PXMP2: variants seen among roughly 807,000 people sequenced by gnomAD.
PXMP2 encodes the protein 22 kDa peroxisomal membrane protein.
PXMP2 carries 13 observed loss-of-function variants against 20.2 expected under a neutral mutation model. The ratio of observed to expected loss-of-function variants is 0.64; its 90% CI spans 0.42 to 1.02. PXMP2 has a LOEUF of 1.02. Among genes scored for constraint, PXMP2 ranks in the 50% least tolerant of loss-of-function variants. The pLI, the probability that PXMP2 is intolerant of heterozygous loss-of-function variation, is 0.00. For synonymous variants in PXMP2, 113 were observed against 111.2 expected (o/e 1.02, Z -0.10); for missense variants, 284 against 251.8 (o/e 1.13, Z -0.87).
Position 132,704,852 on chromosome 12 carries a change from A to T in PXMP2, c.*165A>T. ...GAAACAGAAATCTCTGAATGTCAGAACCCTGTCTTTTAAAAAGGCAGTCGC... is the reference window on the plus strand; with the variant it reads ...GAAACAGAAATCTCTGAATGTCAGATCCCTGTCTTTTAAAAAGGCAGTCGC... On this transcript the variant is annotated 3_prime_UTR_variant, in exon 5 of 5. Transcript: ENST00000317479. 1.4e-6 allele frequency: 1 copy of T among 718,070 alleles called. No individual in the cohort carries two copies. The highest frequency in any genetic ancestry group is 2.4e-6 in the Non-Finnish European group (1 of 416,328). 44.5% of individuals were successfully genotyped at this position (718,070 alleles called of 1,614,324 possible).
At chr12:132,698,156 C>A (rs2043420540) in intron 3 of PXMP2, among the ~76,000 whole-genome samples, 1 of 151,922 alleles carries the variant, frequency 6.6e-6, no homozygotes, top group Non-Finnish European at 1.5e-5. Flanking sequence ...ATTGCAGGTG[C>A]CCGCCACCAT....
In PXMP2 at chr12:132,690,125, T is replaced by C; in HGVS notation, c.123-138T>C. ...CACCTTTTGATACAAGAACTATACATTGCAGCCGCTTTAACAAGAATTCCT... is the reference window on the plus strand; with the variant it reads ...CACCTTTTGATACAAGAACTATACACTGCAGCCGCTTTAACAAGAATTCCT... On this transcript the variant is annotated intron_variant, in intron 1 of 4. Coordinates refer to ENST00000317479, the MANE Select transcript of PXMP2 (RefSeq NM_018663.3). The C allele has an allele frequency of 4.5e-6, 3 of 665,674 alleles. No homozygotes were observed. The South Asian group carries it at 5.4e-5, about 12-fold the overall frequency. 41.2% of individuals were successfully genotyped at this position (665,674 alleles called of 1,614,324 possible). A position where few individuals can be genotyped will look rare whatever the true frequency, so the allele number is the denominator to read the frequency against.
At chr12:132,688,156 CGGG>C (rs769584515) in intron 1 of PXMP2, 3 of 113,184 alleles carry the variant, frequency 2.7e-5, no homozygotes, top group African/African-American at 1.1e-4. Flanking sequence ...AGCGGGTCTG[CGGG>C]GCGCGGGTGA....
In PXMP2 at chr12:132,687,798, C is replaced by T; in HGVS notation, c.122+6C>T. 8.7e-7 allele frequency: 1 copy of T among 1,148,632 alleles called. No individual in the cohort carries two copies. Among genetic ancestry groups the T allele is most frequent in the East Asian group, 4.3e-5 (1 of 23,138 alleles). The allele number at this position is 1,148,632 out of a possible 1,614,324, so 71.2% of individuals were successfully genotyped here. A position where few individuals can be genotyped will look rare whatever the true frequency, so the allele number is the denominator to read the frequency against. ...CTCACCAAGGCGGCCACCAGGTGAG[C>T]GGGGGCGCGGGAATCGGACGCCGCC... On this transcript the variant is annotated splice_donor_region_variant and intron_variant, in intron 1 of 4. Coordinates refer to ENST00000317479, the MANE Select transcript of PXMP2 (RefSeq NM_018663.3).
intron 3 of PXMP2, among the ~76,000 whole-genome samples, chr12:132,700,846 TC>T (rs2043435206): frequency 8.3e-6 from 1 of 120,228 alleles, no homozygotes; most frequent in African/African-American, 2.9e-5. Flanking sequence ...CTTACTGGAG[TC>T]CTTTTTTTTT....
chr12:132,701,144 A>C, intron 3 of PXMP2, 106 bp from the exon 4 acceptor site: 3 of 1,510,296 alleles, frequency 2.0e-6, no homozygotes, highest in Non-Finnish European at 2.7e-6. Flanking sequence ...CACACAGAAC[A>C]AAATCCAATA....
intron 2 of PXMP2, among the ~76,000 whole-genome samples, chr12:132,693,567 G>T (rs2043386393): frequency 1.2e-5 from 1 of 82,618 alleles, no homozygotes; most frequent in Admixed American, 1.2e-4. Flanking sequence ...TAGTTAGTGA[G>T]CGCCCTTGCC....
intron 1 of PXMP2, 70 bp downstream of exon 1, chr12:132,687,862 G>A: frequency 9.1e-7 from 1 of 1,095,448 alleles, no homozygotes; most frequent in Non-Finnish European, 1.1e-6. Context: ...GGGCCTGGAC[G>A]GGAGCGCCGG....
Position 132,696,168 on chromosome 12 carries a change from T to C in PXMP2, c.399+122T>C. 8.4e-7 allele frequency: 1 copy of C among 1,195,628 alleles called. No individual in the cohort carries two copies. The highest frequency in any genetic ancestry group is 2.4e-5 in the East Asian group (1 of 40,828). 74.1% of individuals were successfully genotyped at this position (1,195,628 alleles called of 1,614,324 possible). A position where few individuals can be genotyped will look rare whatever the true frequency, so the allele number is the denominator to read the frequency against. ...TCACTCAAATTGAAATTTTGCATTTTCTTTTATGAATATAGGAAGCAAACA... is the reference window on the plus strand; with the variant it reads ...TCACTCAAATTGAAATTTTGCATTTCCTTTTATGAATATAGGAAGCAAACA... On this transcript the variant is annotated intron_variant, in intron 3 of 4. Transcript: ENST00000317479. The surrounding 1 kb of genome is among the most constrained non-coding windows in gnomAD (Gnocchi z 4.4).
At chr12:132,692,132 CCAGT>C (rs1221890496) in intron 2 of PXMP2, among the ~76,000 whole-genome samples, 15 of 133,096 alleles carry the variant, frequency 1.1e-4, no homozygotes, top group African/African-American at 3.1e-4. Context: ...GCTCCCTTAG[CCAGT>C]TAGTTAGTGA....
chr12:132,692,105 T>TGCCAGTTAGTTAGTGAGCGCCCTTA (rs2043371557), intron 2 of PXMP2, among the ~76,000 whole-genome samples: 1 of 144,182 alleles, frequency 6.9e-6, no homozygotes. Context: ...TGAGCGCCCT[T>TGCCAGTTAGTTAGTGAGCGCCCTTA]GCCAGTTAGT....
chr12:132,690,426 C>T (rs560240608), intron 2 of PXMP2, 50 bp downstream of exon 2: 7 of 1,407,590 alleles, frequency 5.0e-6, no homozygotes, highest in Non-Finnish European at 7.0e-6. Flanking sequence ...TGAGTGCAAC[C>T]AAGCTGGGCA....
chr12:132,702,497 AC>A lies in PXMP2; in HGVS notation c.519+1133del, dbSNP rs1170235525. Reference sequence around the variant, plus strand: ...AGCACCCCCTGCAGCATGGCAGGATACCCCCAGATGCTACAGGAGGAGGCCT... The same window carrying A: ...AGCACCCCCTGCAGCATGGCAGGATACCCCAGATGCTACAGGAGGAGGCCT... On this transcript the variant is annotated intron_variant, in intron 4 of 4. Coordinates refer to ENST00000317479, the MANE Select transcript of PXMP2 (RefSeq NM_018663.3). The A allele has an allele frequency of 1.4e-5, 6 of 413,980 alleles. No homozygotes were observed. In the East Asian group the frequency reaches 2.7e-4, roughly 18 times the overall value. 25.6% of individuals were successfully genotyped at this position (413,980 alleles called of 1,614,324 possible). A position where few individuals can be genotyped will look rare whatever the true frequency, so the allele number is the denominator to read the frequency against.
rs1189747433 is a variant in PXMP2 at position 132,696,889 on chromosome 12, C to T, written c.399+843C>T. Among the ~76,000 whole-genome samples the T allele has an allele frequency of 6.6e-6, 1 of 151,740 alleles. No homozygotes were observed. The highest frequency in any genetic ancestry group is 2.1e-4 in the South Asian group (1 of 4,818). On this transcript the variant is annotated intron_variant, in intron 3 of 4. Coordinates refer to ENST00000317479, the MANE Select transcript of PXMP2 (RefSeq NM_018663.3). This position sits in a 1 kb window ranked among gnomAD's most constrained non-coding sequence, Gnocchi z 4.4. ...ACTCGGGAGGCTGAGGCAGGAGAAT[C>T]GCTTGAAGCCGGGAGGTGGAGGTTG...
At chr12:132,697,328 G>A (rs542218648) in intron 3 of PXMP2, among the ~76,000 whole-genome samples, 24 of 151,914 alleles carry the variant, frequency 1.6e-4, no homozygotes, top group Non-Finnish European at 3.1e-4. Flanking sequence ...ACATTAGTCT[G>A]TCAAAATTTT....
chr12:132,702,530 G>C (rs1476686167), intron 4 of PXMP2: 1 of 360,814 alleles, frequency 2.8e-6, no homozygotes, highest in East Asian at 1.0e-4. Context: ...GCCTGGCAGA[G>C]CCTGCAGGGG....
Position 132,701,375 on chromosome 12 carries a change from G to A in PXMP2, c.519+6G>A, listed in dbSNP as rs200978455. ...TCAACTACGTCCCTCTGAAGGTGAG[G>A]GCCACGGGGCTCAGCCTCTGCTAAC... On this transcript the variant is annotated splice_donor_region_variant and intron_variant, in intron 4 of 4. Transcript: ENST00000317479. The A allele has an allele frequency of 8.5e-5, 137 of 1,611,576 alleles. No individual in the cohort carries two copies. Among genetic ancestry groups the A allele is most frequent in the Non-Finnish European group, 1.1e-4 (127 of 1,179,492 alleles).
At chr12:132,701,515 A>G in intron 4 of PXMP2, 146 bp downstream of exon 4, 1 of 1,151,058 alleles carries the variant, frequency 8.7e-7, no homozygotes, top group South Asian at 1.6e-5. Context: ...ACTTAGTTTC[A>G]TCCGTGTCTA....
At chr12:132,698,910 T>C (rs1227924046) in intron 3 of PXMP2, among the ~76,000 whole-genome samples, 1 of 152,208 alleles carries the variant, frequency 6.6e-6, no homozygotes, top group Non-Finnish European at 1.5e-5. Context: ...TGTACCCAGC[T>C]TCTCCCCCTT....
Sources: gnomAD v4.1 joint callset for allele counts (sites outside exome capture counted in the v4.1 genomes callset) on GRCh38, gnomAD v4.1.1 for gene constraint, Gnocchi (gnomAD v3.1) non-coding constraint, MANE v1.5 for transcripts, NCBI Gene and HGNC (gene_info 2026-07-23, HGNC 2026-07-21) for gene names.